Variants in SORL1 observed in about 807,000 individuals in gnomAD.
The protein encoded by SORL1 is sortilin-related receptor.
SORL1 carries 127 observed loss-of-function variants against 273.7 expected under a neutral mutation model. That is an observed-to-expected ratio of 0.46 (90% CI 0.40 to 0.54). SORL1 has a LOEUF of 0.54. SORL1 is among the 20% of genes least tolerant of loss of function. The probability of loss-of-function intolerance (pLI) is 0.00; values close to 1 mark genes in which losing one functional copy is unlikely to be tolerated. For missense variants in SORL1, 2,494 were observed against 2,846.1 expected, an observed-to-expected ratio of 0.88 and a Z score of 2.81; for synonymous variants, 1,031 against 1,067.4, an observed-to-expected ratio of 0.97 and a Z score of 0.66.
At chr11:121,577,134 C>A in intron 24 of SORL1, 147 bp from the exon 25 acceptor site, 2 of 1,184,926 alleles carry the variant, frequency 1.7e-6, no homozygotes, top group Non-Finnish European at 2.4e-6. Context: ...GACCTTTTGT[C>A]CCTGGTAAAA....
At chr11:121,457,929 C>T (rs536996819) in intron 1 of SORL1, among the ~76,000 whole-genome samples, 1 of 152,302 alleles carries the variant, frequency 6.6e-6, no homozygotes, top group African/African-American at 2.4e-5. Flanking sequence ...ACGAACATCC[C>T]AAGGCAAAAG....
At position 121,612,759 on chromosome 11, in the gene SORL1, T is replaced by C. The variant is rs1377142510; in HGVS notation, c.5346T>C (p.Leu1782=). 1.9e-6 allele frequency: 3 copies of C among 1,614,116 alleles called. No individual in the cohort carries two copies. In the Admixed American group the frequency reaches 5.0e-5, roughly 27 times the overall value. Residue 1782 remains leucine, a synonymous_variant, in exon 40 of 48, where the codon CTT becomes CTC. Coordinates refer to ENST00000260197, the MANE Select transcript of SORL1 (RefSeq NM_003105.6). ...AGGTGAATGGCTATGTGGTGAACCT[T>C]TTCTGGGCATTTGACACCCACAAGC... ...DIKVNGYVVN[L]FWAFDTHKQE... is the part of the protein sequence containing the mutation.
intron 9 of SORL1, 39 bp downstream of exon 9, chr11:121,520,888 A>G (rs1385220804): frequency 6.9e-7 from 1 of 1,444,990 alleles, no homozygotes; most frequent in East Asian, 2.3e-5. Context: ...TTTAATATAA[A>G]GGAAAGAGCC....
At chr11:121,508,084 C>G (rs1018544807) in intron 6 of SORL1, among the ~76,000 whole-genome samples, 1 of 152,196 alleles carries the variant, frequency 6.6e-6, no homozygotes, top group African/African-American at 2.4e-5. Context: ...CAGAGATTTT[C>G]TTAAACTCTT....
chr11:121,568,099 C>G (rs1862780031), intron 22 of SORL1, among the ~76,000 whole-genome samples: 1 of 151,990 alleles, frequency 6.6e-6, no homozygotes, highest in Non-Finnish European at 1.5e-5. Flanking sequence ...GTTGCCCAGT[C>G]TGGTCTTGAA....
intron 6 of SORL1, among the ~76,000 whole-genome samples, chr11:121,500,800 G>A (rs1327581945): frequency 6.6e-6 from 1 of 152,172 alleles, no homozygotes; most frequent in Non-Finnish European, 1.5e-5. Flanking sequence ...TGACAGGATG[G>A]TATCTTTAGA....
intron 39 of SORL1, 136 bp from the exon 40 acceptor site, chr11:121,612,600 A>G: frequency 3.2e-6 from 2 of 630,080 alleles, no homozygotes; most frequent in East Asian, 2.9e-5. Context: ...AAAATTTTTA[A>G]AAAACAACCT....
chr11:121,601,623 T>C (rs1455649048), intron 32 of SORL1, among the ~76,000 whole-genome samples: 1 of 151,412 alleles, frequency 6.6e-6, no homozygotes, highest in Non-Finnish European at 1.5e-5. Context: ...CTGGTTATGT[T>C]ACCCAGGCTG....
intron 1 of SORL1, among the ~76,000 whole-genome samples, chr11:121,465,140 C>T (rs1223770573): frequency 6.6e-6 from 1 of 152,158 alleles, no homozygotes; most frequent in Admixed American, 6.5e-5. Flanking sequence ...AAATAAAACC[C>T]CTTACCCATT....
At chr11:121,589,441 A>T (rs753445982) in intron 29 of SORL1, 51 bp downstream of exon 29, 7 of 1,604,850 alleles carry the variant, frequency 4.4e-6, no homozygotes, top group Non-Finnish European at 6.0e-6. Flanking sequence ...GTTAACAGTG[A>T]TGCCTGCAGT....
intron 7 of SORL1, 122 bp from the exon 8 acceptor site, chr11:121,514,030 G>A (rs992882010): frequency 1.5e-5 from 16 of 1,100,368 alleles, no homozygotes; most frequent in Admixed American, 1.1e-4. Context: ...GGAGCTTCCC[G>A]TGGGCTTTAG....
At chr11:121,461,760 C>A (rs1309875189) in intron 1 of SORL1, among the ~76,000 whole-genome samples, 1 of 152,148 alleles carries the variant, frequency 6.6e-6, no homozygotes, top group South Asian at 2.1e-4. Flanking sequence ...CCTAGCTTGA[C>A]TCAGGCGTGC....
intron 8 of SORL1, among the ~76,000 whole-genome samples, chr11:121,515,969 A>G (rs1044198370): frequency 3.9e-5 from 6 of 152,228 alleles, no homozygotes; most frequent in South Asian, 2.1e-4. Context: ...TCGAAATGAG[A>G]TGGAAGGTTT....
At position 121,595,007 on chromosome 11, in the gene SORL1, C is replaced by T. The variant is rs1173858087; in HGVS notation, c.4370-616C>T. 6.6e-6 allele frequency among the ~76,000 whole-genome samples: 1 copy of T among 152,148 alleles called. No homozygotes were observed. Among genetic ancestry groups the T allele is most frequent in the African/African-American group, 2.4e-5 (1 of 41,412 alleles). On this transcript the variant is annotated intron_variant, in intron 31 of 47. Transcript: ENST00000260197. This position sits in a 1 kb window ranked among gnomAD's most constrained non-coding sequence, Gnocchi z 5.1. Reference sequence around the variant, plus strand: ...GGGACTTCCATATGTAGGTTTAATCCCCCTTTTATCAGTAGGATATACTTG... The same window carrying T: ...GGGACTTCCATATGTAGGTTTAATCTCCCTTTTATCAGTAGGATATACTTG...
intron 6 of SORL1, among the ~76,000 whole-genome samples, chr11:121,504,166 C>T (rs1484178832): frequency 6.6e-6 from 1 of 152,172 alleles, no homozygotes; most frequent in East Asian, 1.9e-4. Context: ...GTAATATCAG[C>T]ACTTTGGGAG....
At chr11:121,567,570 G>A (rs1000541596) in intron 22 of SORL1, among the ~76,000 whole-genome samples, 101 of 152,184 alleles carry the variant, frequency 6.6e-4, no homozygotes, top group Non-Finnish European at 7.5e-4. Flanking sequence ...TCCTCTCACC[G>A]TAGCCTAGCC....
intron 12 of SORL1, among the ~76,000 whole-genome samples, chr11:121,536,890 C>A (rs1309879953): frequency 6.6e-6 from 1 of 152,064 alleles, no homozygotes; most frequent in Non-Finnish European, 1.5e-5. Flanking sequence ...AAAACACTCG[C>A]AAAATCAAGT....
At chr11:121,607,152 C>A in intron 36 of SORL1, 34 bp from the exon 37 acceptor site, 1 of 1,355,544 alleles carries the variant, frequency 7.4e-7, no homozygotes, top group South Asian at 1.2e-5. Flanking sequence ...ACCTTTGGTT[C>A]CCTTTACTCA....
intron 12 of SORL1, among the ~76,000 whole-genome samples, chr11:121,532,962 G>C (rs1862222884): frequency 6.6e-6 from 1 of 152,064 alleles, no homozygotes; most frequent in Admixed American, 6.6e-5. Flanking sequence ...TGGATTACAG[G>C]TGTGAGCCAC....
Sources: allele counts gnomAD v4.1 joint callset (sites outside exome capture counted in the v4.1 genomes callset), GRCh38; gene constraint gnomAD v4.1.1; non-coding constraint Gnocchi (gnomAD v3.1); transcripts MANE v1.5; gene names NCBI Gene and HGNC (gene_info 2026-07-23, HGNC 2026-07-21).